TTC21B: variants seen among roughly 807,000 people sequenced by gnomAD.
TTC21B encodes tetratricopeptide repeat protein 21B.
A neutral mutation model predicts 175.1 loss-of-function variants in TTC21B; 127 were observed. The observed-to-expected ratio is 0.73, with a 90% CI of 0.63 to 0.84. The LOEUF (loss-of-function observed/expected upper bound fraction) is 0.84. TTC21B is among the 40% of genes least tolerant of loss of function. The pLI, the probability that TTC21B is intolerant of heterozygous loss-of-function variation, is 0.00. For synonymous variants in TTC21B, 524 were observed against 524.5 expected (o/e 1.00, Z 0.01); for missense variants, 1,561 against 1,558.3 (o/e 1.00, Z -0.03).
At chr2:165,894,840 GA>G (rs1390207182) in intron 22 of TTC21B, among the ~76,000 whole-genome samples, 1 of 152,128 alleles carries the variant, frequency 6.6e-6, no homozygotes, top group Non-Finnish European at 1.5e-5. Context: ...GTGTAATAAA[GA>G]ACACAAATAT....
chr2:165,950,357 A>G (rs1687723684), intron 1 of TTC21B, among the ~76,000 whole-genome samples: 1 of 152,180 alleles, frequency 6.6e-6, no homozygotes, highest in Non-Finnish European at 1.5e-5. Flanking sequence ...TACTATCAGG[A>G]CCTACTAACT....
intron 20 of TTC21B, among the ~76,000 whole-genome samples, chr2:165,901,464 G>A (rs906277377): frequency 2.6e-5 from 4 of 151,926 alleles, no homozygotes; most frequent in Non-Finnish European, 5.9e-5. Context: ...GGGATTACAG[G>A]AGGCGCCCCC....
intron 1 of TTC21B, among the ~76,000 whole-genome samples, chr2:165,952,149 G>C (rs1687779857): frequency 6.6e-6 from 1 of 152,212 alleles, no homozygotes. Flanking sequence ...CTCTAGAGCA[G>C]GGTTTGGCAA....
intron 6 of TTC21B, among the ~76,000 whole-genome samples, chr2:165,934,257 T>C (rs1442137684): frequency 6.6e-6 from 1 of 151,772 alleles, no homozygotes; most frequent in African/African-American, 2.4e-5. Context: ...TATTATTTTG[T>C]AAATTGATTA....
chr2:165,893,927 G>A (rs978314031), intron 22 of TTC21B, among the ~76,000 whole-genome samples: 26 of 152,052 alleles, frequency 1.7e-4, no homozygotes, highest in Admixed American at 2.6e-4. Flanking sequence ...AATAATTTGC[G>A]GCCATATTAT....
intron 1 of TTC21B, 23 bp downstream of exon 1, chr2:165,953,662 C>CGCTCACCT (rs770316280): frequency 2.6e-6 from 4 of 1,544,596 alleles, no homozygotes; most frequent in South Asian, 2.4e-5. Flanking sequence ...CCCGCTCACC[C>CGCTCACCT]GCTCACCCGC....
At chr2:165,876,642 A>T (rs1440139090) in intron 27 of TTC21B, among the ~76,000 whole-genome samples, 1 of 152,230 alleles carries the variant, frequency 6.6e-6, no homozygotes. Context: ...GCCTACAGTT[A>T]TGAGGTTTGC....
chr2:165,884,223 TC>T lies in TTC21B; in HGVS notation c.3460-206del, dbSNP rs563368305. 3.3e-4 allele frequency among the ~76,000 whole-genome samples: 51 copies of T among 152,330 alleles called. 2 individuals are homozygous for T. In the South Asian group the frequency reaches 0.011, roughly 32 times the overall value. ...GAAAACTTGGTCAAGCACTGTGTGG[TC>T]AAGATAATTGAAGATAATGACAACT... On this transcript the variant is annotated intron_variant, in intron 25 of 28. Coordinates refer to ENST00000243344, the MANE Select transcript of TTC21B (RefSeq NM_024753.5).
intron 16 of TTC21B, among the ~76,000 whole-genome samples, 186 bp from the exon 17 acceptor site, chr2:165,912,810 T>C (rs1686002743): frequency 1.3e-5 from 2 of 152,332 alleles, no homozygotes; most frequent in East Asian, 3.9e-4. Context: ...TGGATAGGTA[T>C]AATTTATTAG....
At chr2:165,917,547 C>A in intron 13 of TTC21B, 66 bp from the exon 14 acceptor site, 2 of 1,276,458 alleles carry the variant, frequency 1.6e-6, no homozygotes, top group African/African-American at 1.5e-5. Context: ...TACAATCCAT[C>A]AAACATTAAA....
In TTC21B at chr2:165,912,614, G is replaced by C; in HGVS notation, c.2222C>G (p.Ala741Gly). ...AYMNILEPEE[A>G]IVAYEQALNQ... ...TAATGCTTGCTCATATGCTACTATG[G>C]CTTCTTCAGGCTAATATTGCCAGAC... Residue 741 changes from alanine to glycine, a missense_variant, in exon 17 of 29, where the codon GCC becomes GGC. By Grantham distance (60) the Ala-to-Gly change is moderately conservative. Transcript: ENST00000243344. 1 of 1,613,696 alleles carries C rather than the reference G, an allele frequency of 6.2e-7. No individual in the cohort carries two copies.
intron 20 of TTC21B, among the ~76,000 whole-genome samples, chr2:165,900,326 T>C (rs558138489): frequency 3.3e-5 from 5 of 152,310 alleles, no homozygotes; most frequent in East Asian, 3.9e-4. Flanking sequence ...GGTATCTGTT[T>C]GGTTATGCCT....
chr2:165,913,769 T>C (rs1686044407), intron 15 of TTC21B, 123 bp from the exon 16 acceptor site: 2 of 748,516 alleles, frequency 2.7e-6, no homozygotes, highest in African/African-American at 1.8e-5. Context: ...TATCTCTATA[T>C]ACCCAACAGT....
intron 12 of TTC21B, among the ~76,000 whole-genome samples, chr2:165,923,653 A>T (rs915882657): frequency 1.1e-4 from 17 of 151,398 alleles, no homozygotes; most frequent in Non-Finnish European, 5.9e-5. Context: ...CATGTTAGCC[A>T]GGATGGTCTT....
intron 21 of TTC21B, 94 bp downstream of exon 21, chr2:165,899,676 C>T: frequency 1.2e-6 from 1 of 801,354 alleles, no homozygotes; most frequent in Admixed American, 1.9e-5. Flanking sequence ...CCAACGTGAG[C>T]CATGCCTCAT....
intron 8 of TTC21B, among the ~76,000 whole-genome samples, chr2:165,931,327 G>A (rs994943866): frequency 6.6e-6 from 1 of 151,878 alleles, no homozygotes. Flanking sequence ...TTTACTGGGA[G>A]CTTATAATAA....
intron 22 of TTC21B, among the ~76,000 whole-genome samples, chr2:165,896,064 A>G (rs1685351500): frequency 6.6e-6 from 1 of 152,104 alleles, no homozygotes; most frequent in Non-Finnish European, 1.5e-5. Flanking sequence ...CCTGCAGAGC[A>G]TATCTAGTTC....
intron 22 of TTC21B, among the ~76,000 whole-genome samples, chr2:165,897,750 T>C (rs543523945): frequency 5.5e-4 from 84 of 152,270 alleles, no homozygotes; most frequent in African/African-American, 1.8e-3. Context: ...AGTGTTCTAA[T>C]ATTTAAACGT....
At chr2:165,887,465 G>A (rs116373838) in intron 25 of TTC21B, among the ~76,000 whole-genome samples, 2,667 of 152,172 alleles carry the variant, frequency 0.018, 92 homozygotes, top group African/African-American at 0.061. Flanking sequence ...GAGATAGGCG[G>A]ATCACCTGAG....
Sources: gnomAD v4.1 joint callset for allele counts (sites outside exome capture counted in the v4.1 genomes callset) on GRCh38, gnomAD v4.1.1 for gene constraint, MANE v1.5 for transcripts, NCBI Gene and HGNC (gene_info 2026-07-23, HGNC 2026-07-21) for gene names.